Variants in PLAGL1 observed in about 807,000 individuals in gnomAD.
PLAGL1 encodes zinc finger protein PLAGL1.
In PLAGL1, 1 loss-of-function variant was observed where a neutral mutation model predicts 4.6. That is an observed-to-expected ratio of 0.22 (90% confidence interval 0.08 to 1.03). The LOEUF (loss-of-function observed/expected upper bound fraction) is 1.03. Among genes scored for constraint, PLAGL1 ranks in the 50% least tolerant of loss-of-function variants. The probability of loss-of-function intolerance (pLI) is 0.58; values close to 1 mark genes in which losing one functional copy is unlikely to be tolerated. For synonymous variants in PLAGL1, 240 were observed against 237.8 expected, an observed-to-expected ratio of 1.01 and a Z score of -0.08; for missense variants, 464 against 570.4, an observed-to-expected ratio of 0.81 and a Z score of 1.90.
chr6:144,025,842 G>C (rs1170844470), intron 1 of PLAGL1, among the ~76,000 whole-genome samples: 1 of 152,036 alleles, frequency 6.6e-6, no homozygotes, highest in Non-Finnish European at 1.5e-5. Context: ...GCAGTGAGCC[G>C]AGATCATACC....
intron 1 of PLAGL1, among the ~76,000 whole-genome samples, chr6:144,019,187 T>C (rs1434138444): frequency 6.6e-6 from 1 of 151,842 alleles, no homozygotes; most frequent in African/African-American, 2.4e-5. Flanking sequence ...TAAAAAATGC[T>C]ATAAAGGCCA....
intron 1 of PLAGL1, among the ~76,000 whole-genome samples, chr6:144,002,675 C>A (rs188326035): frequency 2.0e-4 from 31 of 151,968 alleles, no homozygotes; most frequent in African/African-American, 6.7e-4. Flanking sequence ...AAAAACTCCA[C>A]CACTTACAAC....
At chr6:144,057,939 G>C (rs1012328359) in intron 1 of PLAGL1, among the ~76,000 whole-genome samples, 1 of 152,126 alleles carries the variant, frequency 6.6e-6, no homozygotes, top group African/African-American at 2.4e-5. Context: ...CTGAGCCAAT[G>C]AATACTTGAC....
Position 144,015,796 on chromosome 6 carries a change from C to T in PLAGL1, c.-150-46818G>A, listed in dbSNP as rs932560490. 2.0e-5 allele frequency among the ~76,000 whole-genome samples: 3 copies of T among 152,176 alleles called. No homozygotes were observed. Among genetic ancestry groups the T allele is most frequent in the Non-Finnish European group, 2.9e-5 (2 of 68,030 alleles). On this transcript the variant is annotated intron_variant, in intron 1 of 3. Coordinates refer to the PLAGL1 transcript ENST00000437412. This position sits in a 1 kb window ranked among gnomAD's most constrained non-coding sequence, Gnocchi z 4.3. The stretch of plus-strand genomic sequence containing the variant: ...TTGCTAGAAGAAATATAAAATGATA[C>T]AGCCACTTTGGAAAACAGTTTGAAA...
At position 144,013,805 on chromosome 6, in the gene PLAGL1, C is replaced by G. The variant is rs1795376112; in HGVS notation, c.-150-44827G>C. 6.6e-6 allele frequency among the ~76,000 whole-genome samples: 1 copy of G among 152,190 alleles called. No homozygotes were observed. The highest frequency in any genetic ancestry group is 2.4e-5 in the African/African-American group (1 of 41,444). On this transcript the variant is annotated intron_variant, in intron 1 of 3. Transcript: ENST00000437412. The surrounding 1 kb of genome is among the most constrained non-coding windows in gnomAD (Gnocchi z 4.4). ...GGGGTAGATGTCACTGTACTTAGGA[C>G]TCACTGAAATAACTGAAGGTGGTCT...
rs867382110 is a variant in PLAGL1 at position 144,022,084 on chromosome 6, T to C, written c.-151+42384A>G. On this transcript the variant is annotated intron_variant, in intron 1 of 3. Coordinates refer to the PLAGL1 transcript ENST00000437412. The surrounding 1 kb of genome is among the most constrained non-coding windows in gnomAD (Gnocchi z 4.2). ...AGGCTGAGAATCACCAAAAGAATTT[T>C]TTAAAAACCAACATTCCAAAGACAA... 3.9e-5 allele frequency among the ~76,000 whole-genome samples: 6 copies of C among 152,208 alleles called. No homozygotes were observed. Among genetic ancestry groups the C allele is most frequent in the Non-Finnish European group, 7.3e-5 (5 of 68,036 alleles).
At chr6:144,003,623 CAAAA>C (rs371417312) in intron 1 of PLAGL1, among the ~76,000 whole-genome samples, 3 of 118,170 alleles carry the variant, frequency 2.5e-5, no homozygotes, top group Non-Finnish European at 1.7e-5. Context: ...GACTCCATCT[CAAAA>C]AAAAAAAAAA....
Position 143,978,025 on chromosome 6 carries a change from T to TA in PLAGL1, c.-544+7109dup, listed in dbSNP as rs1333452116. ...TATTTTATCCATGGGATTAGCAGAA[T>TA]AACACCTCTTTCATTCCTAATATTG... is the stretch of plus-strand genomic sequence containing the variant. On this transcript the variant is annotated intron_variant, in intron 2 of 7. Coordinates refer to ENST00000674357, the MANE Select transcript of PLAGL1 (RefSeq NM_001317162.2). The surrounding 1 kb of genome is among the most constrained non-coding windows in gnomAD (Gnocchi z 4.6). Among the ~76,000 whole-genome samples, 4 of 152,230 alleles carry TA rather than the reference T, an allele frequency of 2.6e-5. No individual in the cohort carries two copies. Among genetic ancestry groups the TA allele is most frequent in the African/African-American group, 9.6e-5 (4 of 41,458 alleles).
rs1353198095 is a variant in PLAGL1, at chr6:144,027,262, A to C, written c.-151+37206T>G. On this transcript the variant is annotated intron_variant, in intron 1 of 3. Coordinates refer to the PLAGL1 transcript ENST00000437412. The surrounding 1 kb of genome is among the most constrained non-coding windows in gnomAD (Gnocchi z 5.8). The stretch of plus-strand genomic sequence containing the variant: ...AAGAAAGAAAGAAAGAAAGAAAGAA[A>C]GAAAGAAAGAAAGAAAGAAAGAAAG... Among the ~76,000 whole-genome samples, 26 of 146,282 alleles carry C rather than the reference A, an allele frequency of 1.8e-4. No homozygotes were observed. The highest frequency in any genetic ancestry group is 1.4e-3 in the East Asian group (7 of 5,164).
At chr6:144,023,203 CA>C (rs1196624739) in intron 1 of PLAGL1, among the ~76,000 whole-genome samples, 5 of 152,068 alleles carry the variant, frequency 3.3e-5, no homozygotes, top group Non-Finnish European at 5.9e-5. Flanking sequence ...ACATGAAAAA[CA>C]AATCAAACTC....
At chr6:144,062,894 C>T (rs1332623349) in intron 1 of PLAGL1, among the ~76,000 whole-genome samples, 2 of 152,146 alleles carry the variant, frequency 1.3e-5, no homozygotes, top group African/African-American at 2.4e-5. Context: ...GACACATTGG[C>T]GATTACTGGC....
chr6:144,047,080 C>T (rs1174174829), intron 1 of PLAGL1, among the ~76,000 whole-genome samples: 1 of 152,172 alleles, frequency 6.6e-6, no homozygotes, highest in Non-Finnish European at 1.5e-5. Flanking sequence ...GGCAATGTCC[C>T]GATTTTCCAG....
At chr6:143,993,810 A>G (rs1791061228) in intron 1 of PLAGL1, among the ~76,000 whole-genome samples, 1 of 152,200 alleles carries the variant, frequency 6.6e-6, no homozygotes, top group South Asian at 2.1e-4. Context: ...CATGCATGAC[A>G]AAAGAAAATT....
At chr6:144,060,018 C>T (rs1379463299) in intron 1 of PLAGL1, among the ~76,000 whole-genome samples, 1 of 152,076 alleles carries the variant, frequency 6.6e-6, no homozygotes, top group Admixed American at 6.5e-5. Flanking sequence ...TTATGAGAAC[C>T]CTCTGATCCC....
intron 1 of PLAGL1, among the ~76,000 whole-genome samples, chr6:144,054,792 T>A (rs952052147): frequency 4.6e-5 from 7 of 150,614 alleles, no homozygotes; most frequent in South Asian, 4.2e-4. Context: ...TGTGTGTGTG[T>A]GTGTGTGTGT....
intron 1 of PLAGL1, 122 bp downstream of exon 1, chr6:144,007,968 G>A (rs546290923): frequency 6.6e-6 from 1 of 151,960 alleles, no homozygotes; most frequent in African/African-American, 2.4e-5. Context: ...GCACGTAGGC[G>A]GCGCGGCAAA....
upstream of PLAGL1, among the ~76,000 whole-genome samples, chr6:144,012,543 G>A (rs1307303130): frequency 1.3e-5 from 2 of 152,090 alleles, no homozygotes; most frequent in African/African-American, 2.4e-5. The surrounding 1 kb of genome is among the most constrained non-coding windows in gnomAD (Gnocchi z 4.8). Flanking sequence ...GGATGATTTA[G>A]TATTTTAATT....
chr6:143,967,984 CA>C (rs1464478450), intron 3 of PLAGL1: 12 of 71,784 alleles, frequency 1.7e-4, no homozygotes, highest in African/African-American at 6.6e-4. Flanking sequence ...TTATGACCAT[CA>C]AGGACATTTT....
chr6:144,046,926 G>C (rs1798198370), intron 1 of PLAGL1, among the ~76,000 whole-genome samples: 1 of 152,152 alleles, frequency 6.6e-6, no homozygotes, highest in Non-Finnish European at 1.5e-5. Flanking sequence ...CCCCAGCCAG[G>C]CTGCCACCTC....
Sources: allele counts gnomAD v4.1 joint callset (sites outside exome capture counted in the v4.1 genomes callset), GRCh38; gene constraint gnomAD v4.1.1; non-coding constraint Gnocchi (gnomAD v3.1); transcripts MANE v1.5; gene names NCBI Gene and HGNC (gene_info 2026-07-23, HGNC 2026-07-21).